MPV17L2: variants seen among roughly 807,000 people sequenced by gnomAD.
MPV17L2 encodes the protein MPV17 mitochondrial inner membrane protein like 2.
Under a neutral mutation model 24.2 loss-of-function variants are expected in MPV17L2, and 25 were observed. The ratio of observed to expected loss-of-function variants is 1.03; its 90% CI spans 0.75 to 1.44. The LOEUF (loss-of-function observed/expected upper bound fraction) is 1.44. Ranked by LOEUF, MPV17L2 falls within the 40% of genes most tolerant of loss-of-function variation. MPV17L2 has a pLI of 0.00. For synonymous variants in MPV17L2, 130 were observed against 121.4 expected (o/e 1.07, Z -0.46); for missense variants, 271 against 276.2 (o/e 0.98, Z 0.13).
intron 3 of MPV17L2, 39 bp downstream of exon 3, chr19:18,194,892 C>T (rs372953081): frequency 1.9e-6 from 3 of 1,591,196 alleles, no homozygotes; most frequent in Non-Finnish European, 2.6e-6. Flanking sequence ...CGGCCCCGCC[C>T]CCTGATGGCC....
Position 18,196,530 on chromosome 19 carries a change from T to C in MPV17L2, c.*475T>C. 2 of 948,138 alleles carry C rather than the reference T, an allele frequency of 2.1e-6. No homozygotes were observed. The highest frequency in any genetic ancestry group is 1.5e-5 in the South Asian group (1 of 66,994). The allele number at this position is 948,138 out of a possible 1,614,324, so 58.7% of individuals were successfully genotyped here. A position where few individuals can be genotyped will look rare whatever the true frequency, so the allele number is the denominator to read the frequency against. On this transcript the variant is annotated 3_prime_UTR_variant, in exon 5 of 5. Transcript: ENST00000599612. ...AGGGCCAGGCAGCCTCTGTGTTTCTTTCCCTGGTCCTGAACTGTGGAAATG... is the reference window on the plus strand; with the variant it reads ...AGGGCCAGGCAGCCTCTGTGTTTCTCTCCCTGGTCCTGAACTGTGGAAATG...
chr19:18,194,228 G>T (rs1330681115), intron 2 of MPV17L2, 194 bp downstream of exon 2: 2 of 625,870 alleles, frequency 3.2e-6, no homozygotes, highest in Non-Finnish European at 5.5e-6. Flanking sequence ...GGAGGGACGA[G>T]GACTGTATCT....
Position 18,193,329 on chromosome 19 carries a change from G to A in MPV17L2, c.48G>A (p.Gly16=). ...WRRLRRLLSA[G]QLLFQGRALL... ...GGCTACGCCGCCTGTTATCCGCGGGGCAGCTTCTATTCCAGGGCCGCGCGC... is the reference window on the plus strand; with the variant it reads ...GGCTACGCCGCCTGTTATCCGCGGGACAGCTTCTATTCCAGGGCCGCGCGC... The change falls in exon 1 of 5, where the codon GGG becomes GGA. Residue 16 remains glycine, a synonymous_variant. Transcript: ENST00000599612. 2 of 1,561,040 alleles carry A rather than the reference G, an allele frequency of 1.3e-6. No homozygotes were observed. The highest frequency in any genetic ancestry group is 1.7e-6 in the Non-Finnish European group (2 of 1,159,778).
At chr19:18,193,807 G>C (rs576744548) in intron 1 of MPV17L2, 57 bp from the exon 2 acceptor site, 1 of 1,597,458 alleles carries the variant, frequency 6.3e-7, no homozygotes, top group South Asian at 1.1e-5. Flanking sequence ...AGGGAGAGAG[G>C]GAATGGACTG....
rs746416405 is a variant in MPV17L2 at position 18,194,693 on chromosome 19, C to T, written c.359-84C>T. ...GCGTGGGCTCTCAGGGGCCCAACCC[C>T]GCCCCCTCCATCGTCAGCCCATCTT... is the stretch of plus-strand genomic sequence containing the variant. On this transcript the variant is annotated intron_variant, in intron 2 of 4. Transcript: ENST00000599612. The T allele has an allele frequency of 7.6e-6, 10 of 1,307,928 alleles. No homozygotes were observed. The East Asian group carries it at 2.2e-4, about 29-fold the overall frequency. The allele number at this position is 1,307,928 out of a possible 1,614,324, so 81.0% of individuals were successfully genotyped here.
At chr19:18,194,069 A>C (rs1354800627) in intron 2 of MPV17L2, 35 bp downstream of exon 2, 2 of 1,604,764 alleles carry the variant, frequency 1.2e-6, no homozygotes, top group South Asian at 2.2e-5. Flanking sequence ...TTTGCCTCTC[A>C]TAGGTCGGGA....
In MPV17L2 at chr19:18,193,373, TG is replaced by T; in HGVS notation, c.95del (p.Gly32AlafsTer77). On this transcript the variant is annotated frameshift_variant, in exon 1 of 5. Transcript: ENST00000599612. LOFTEE classifies it high-confidence loss of function. ...QGRALLVTNT[L>X]GCGALMAAGD... is the part of the protein sequence containing the mutation. Reference sequence around the variant, plus strand: ...CGCGCGCTGCTCGTCACTAACACGCTGGGCTGCGGCGCGCTCATGGCGGCCG... The same window carrying T: ...CGCGCGCTGCTCGTCACTAACACGCTGGCTGCGGCGCGCTCATGGCGGCCG... The T allele has an allele frequency of 6.4e-7, 1 of 1,569,228 alleles. No individual in the cohort carries two copies.
Position 18,193,848 on chromosome 19 carries a change from A to G in MPV17L2, c.188-16A>G. The G allele has an allele frequency of 6.2e-7, 1 of 1,612,900 alleles. No homozygotes were observed. The highest frequency in any genetic ancestry group is 8.5e-7 in the Non-Finnish European group (1 of 1,179,076). On this transcript the variant is annotated splice_polypyrimidine_tract_variant and intron_variant, in intron 1 of 4. Transcript: ENST00000599612. ...CTTGCCGGCCCGACCCAGCCCCCTG[A>G]CTTACACTCTTATAGCGAGCATGTT...
intron 4 of MPV17L2, among the ~76,000 whole-genome samples, chr19:18,195,662 T>C (rs1967503733): frequency 6.8e-6 from 1 of 148,096 alleles, no homozygotes; most frequent in African/African-American, 2.5e-5. Flanking sequence ...TGAAACCCTG[T>C]CTCTACTAAA....
At chr19:18,193,518 C>T (rs1187631495) in intron 1 of MPV17L2, 50 bp downstream of exon 1, 1 of 1,429,330 alleles carries the variant, frequency 7.0e-7, no homozygotes, top group Admixed American at 2.9e-5. Flanking sequence ...CCTTTGATCC[C>T]GACACCCGAC....
intron 2 of MPV17L2, 113 bp from the exon 3 acceptor site, chr19:18,194,664 G>C: frequency 1.2e-6 from 1 of 862,130 alleles, no homozygotes; most frequent in Non-Finnish European, 1.8e-6. Context: ...GCCCGGGGTG[G>C]GCGGCGTGGG....
intron 1 of MPV17L2, 103 bp from the exon 2 acceptor site, chr19:18,193,761 G>A (rs1967464363): frequency 6.6e-7 from 1 of 1,525,054 alleles, no homozygotes; most frequent in Non-Finnish European, 8.8e-7. Flanking sequence ...CTGAGGCTCC[G>A]GGATGGCATT....
At chr19:18,193,756 G>T in intron 1 of MPV17L2, 108 bp from the exon 2 acceptor site, 2 of 1,520,618 alleles carry the variant, frequency 1.3e-6, no homozygotes, top group Non-Finnish European at 1.8e-6. Flanking sequence ...TGAGGCTGAG[G>T]CTCCGGGATG....
intron 4 of MPV17L2, among the ~76,000 whole-genome samples, 190 bp downstream of exon 4, chr19:18,195,276 T>G (rs1967492850): frequency 1.3e-5 from 2 of 152,186 alleles, no homozygotes; most frequent in Admixed American, 1.3e-4. Context: ...CTGAGCGCCG[T>G]GGCTCATGCC....
rs756653091 is a variant in MPV17L2, at chr19:18,193,441, G to C, written c.160G>C (p.Gly54Arg). The C allele has an allele frequency of 1.2e-5, 18 of 1,545,270 alleles. No homozygotes were observed. The East Asian group carries it at 1.9e-4, about 16-fold the overall frequency. The change falls in exon 1 of 5, where the codon GGC becomes CGC. Residue 54 changes from glycine to arginine, a missense_variant. By Grantham distance (125) the Gly-to-Arg change is moderately radical (BLOSUM62 -2). Coordinates refer to ENST00000599612, the MANE Select transcript of MPV17L2 (RefSeq NM_032683.3). ...GTCCTGGGAGATCCGCGCCCGGCCC[G>C]GCCAGGTTTTCGACCCACGGCGCTC... ...RQSWEIRARP[G>R]QVFDPRRSAS...
chr19:18,193,810 A>G, intron 1 of MPV17L2, 54 bp from the exon 2 acceptor site: 2 of 1,599,252 alleles, frequency 1.3e-6, no homozygotes. Flanking sequence ...GAGAGAGGGA[A>G]TGGACTGAGG....
In MPV17L2 at chr19:18,196,334, GC is replaced by G. The variant is rs775458074; in HGVS notation, c.*282del. On this transcript the variant is annotated 3_prime_UTR_variant, in exon 5 of 5. Coordinates refer to ENST00000599612, the MANE Select transcript of MPV17L2 (RefSeq NM_032683.3). ...CAAGATGTCCCATCCTCAGCACAGG[GC>G]CCACTCTGCCAACCAGTCTCAAGCA... 2 of 1,401,314 alleles carry G rather than the reference GC, an allele frequency of 1.4e-6. No individual in the cohort carries two copies. The highest frequency in any genetic ancestry group is 2.4e-5 in the South Asian group (2 of 81,978). The allele number at this position is 1,401,314 out of a possible 1,614,324, so 86.8% of individuals were successfully genotyped here. A position where few individuals can be genotyped will look rare whatever the true frequency, so the allele number is the denominator to read the frequency against.
At position 18,196,714 on chromosome 19, in the gene MPV17L2, T is replaced by C. The variant is rs1600025225; in HGVS notation, c.*659T>C. 1 of 321,090 alleles carries C rather than the reference T, an allele frequency of 3.1e-6. No homozygotes were observed. Among genetic ancestry groups the C allele is most frequent in the Admixed American group, 4.4e-5 (1 of 22,964 alleles). 19.9% of individuals were successfully genotyped at this position (321,090 alleles called of 1,614,324 possible). ...CATAGCAAGACCCTGTCTCTATTTA[T>C]ATTGAAAAATAAAAATAACAAAAGA... On this transcript the variant is annotated 3_prime_UTR_variant, in exon 5 of 5. Transcript: ENST00000599612.
chr19:18,193,380 C>T lies in MPV17L2; in HGVS notation c.99C>T (p.Cys33=), dbSNP rs1469982213. 1.3e-6 allele frequency: 2 copies of T among 1,567,876 alleles called. No homozygotes were observed. The highest frequency in any genetic ancestry group is 8.6e-7 in the Non-Finnish European group (1 of 1,163,248). Residue 33 remains cysteine (C), a synonymous_variant, in exon 1 of 5, where the codon TGC becomes TGT. Transcript: ENST00000599612. ...RALLVTNTLG[C]GALMAAGDGV... ...TGCTCGTCACTAACACGCTGGGCTGCGGCGCGCTCATGGCGGCCGGTGATG... is the reference window on the plus strand; with the variant it reads ...TGCTCGTCACTAACACGCTGGGCTGTGGCGCGCTCATGGCGGCCGGTGATG...
Sources: allele counts gnomAD v4.1 joint callset (sites outside exome capture counted in the v4.1 genomes callset), GRCh38; gene constraint gnomAD v4.1.1; transcripts MANE v1.5; gene names NCBI Gene and HGNC (gene_info 2026-07-23, HGNC 2026-07-21).